POLA1: variants seen among roughly 807,000 people sequenced by gnomAD.
The protein encoded by POLA1 is DNA polymerase alpha catalytic subunit.
A neutral mutation model predicts 124.0 loss-of-function variants in POLA1; 15 were observed. The observed-to-expected ratio is 0.12, with a 90% CI of 0.08 to 0.19. POLA1 has a LOEUF of 0.19. Ranked by LOEUF, POLA1 falls within the 10% of genes least tolerant of loss-of-function variation. The pLI is 1.00. For missense variants in POLA1, 886 were observed against 1,103.4 expected (o/e 0.80, Z 2.79); for synonymous variants, 408 against 389.4 (o/e 1.05, Z -0.56).
At chrX:24,715,051 A>G in intron 5 of POLA1, 90 bp from the exon 6 acceptor site, 1 of 617,163 alleles carries the variant, frequency 1.6e-6, no homozygotes, top group Admixed American at 2.6e-5. Flanking sequence ...CTAACTGGCT[A>G]GGTCCTTCCT....
rs1322695079 is a variant in POLA1 at position 24,703,495 on chromosome X, TC to T, written c.265+150del. The T allele has an allele frequency of 6.9e-6, 3 of 436,234 alleles. No individual in the cohort carries two copies. The Admixed American group carries it at 1.3e-4, about 19-fold the overall frequency. 36.0% of individuals were successfully genotyped at this position (436,234 alleles called of 1,213,427 possible). A position where few individuals can be genotyped will look rare whatever the true frequency, so the allele number is the denominator to read the frequency against. On this transcript the variant is annotated intron_variant, in intron 3 of 36. Transcript: ENST00000379068. ...AGGATCTTACCTTTGGTTTGGATTT[TC>T]CTTTAATTATTTGAGGATGAGGAAG... is the stretch of plus-strand genomic sequence containing the variant.
intron 36 of POLA1, among the ~76,000 whole-genome samples, chrX:24,972,506 A>G (rs979050296): frequency 5.4e-5 from 6 of 111,878 alleles, no homozygotes; most frequent in African/African-American, 1.6e-4. Context: ...CTCACCCTGC[A>G]GTTCCCAAAC....
At chrX:24,792,922 A>G (rs2045530811) in intron 26 of POLA1, among the ~76,000 whole-genome samples, 1 of 111,524 alleles carries the variant, frequency 9.0e-6, no homozygotes, top group African/African-American at 3.3e-5. Context: ...AGCGTTATTA[A>G]TATGTCATGG....
intron 35 of POLA1, among the ~76,000 whole-genome samples, chrX:24,910,577 C>T (rs916803736): frequency 4.5e-5 from 5 of 111,270 alleles, no homozygotes; most frequent in African/African-American, 1.6e-4. Context: ...CATGCAAACA[C>T]TAATCAAAAG....
intron 30 of POLA1, among the ~76,000 whole-genome samples, chrX:24,817,607 C>CAAAA (rs1171262514): frequency 9.0e-5 from 3 of 33,444 alleles, no homozygotes; most frequent in Non-Finnish European, 1.8e-4. Context: ...GATTCCATCT[C>CAAAA]AAAAAAAAAA....
intron 26 of POLA1, among the ~76,000 whole-genome samples, chrX:24,753,529 A>G (rs1932436826): frequency 9.2e-6 from 1 of 109,042 alleles, no homozygotes; most frequent in Admixed American, 9.9e-5. Flanking sequence ...ATTTATTTTT[A>G]TTTTTTGTAG....
intron 36 of POLA1, among the ~76,000 whole-genome samples, chrX:24,934,569 T>A (rs1212602554): frequency 2.7e-5 from 3 of 112,508 alleles, no homozygotes; most frequent in African/African-American, 9.7e-5. Context: ...GATGCTTCTC[T>A]CCTCATATTC....
intron 36 of POLA1, among the ~76,000 whole-genome samples, chrX:24,979,329 A>G (rs759807422): frequency 8.9e-6 from 1 of 111,755 alleles, no homozygotes; most frequent in Admixed American, 9.5e-5. Flanking sequence ...AACAATTATA[A>G]CCTATTTAGA....
chrX:24,714,333 A>G (rs1234077966), intron 4 of POLA1, among the ~76,000 whole-genome samples: 1 of 111,269 alleles, frequency 9.0e-6, no homozygotes, highest in Admixed American at 9.5e-5. Context: ...AATTTTTTGT[A>G]TTTTAGTAGG....
At chrX:24,865,401 G>A (rs1249898357) in intron 34 of POLA1, among the ~76,000 whole-genome samples, 1 of 111,895 alleles carries the variant, frequency 8.9e-6, no homozygotes, top group Non-Finnish European at 1.9e-5. Context: ...CTGTTTACTT[G>A]AGACAAGTTT....
intron 34 of POLA1, among the ~76,000 whole-genome samples, chrX:24,866,010 T>C (rs2046790306): frequency 8.9e-6 from 1 of 111,873 alleles, no homozygotes; most frequent in Non-Finnish European, 1.9e-5. Flanking sequence ...TTTCTTCTTA[T>C]CAACTTCCAC....
At chrX:24,886,595 C>T (rs1010806227) in intron 34 of POLA1, among the ~76,000 whole-genome samples, 13 of 111,516 alleles carry the variant, frequency 1.2e-4, no homozygotes, top group African/African-American at 3.3e-4. Context: ...TGAGGTCAAA[C>T]GGCACAGCAG....
chrX:24,913,025 T>C (rs1294247122), intron 35 of POLA1, among the ~76,000 whole-genome samples: 2 of 112,105 alleles, frequency 1.8e-5, no homozygotes, highest in African/African-American at 6.5e-5. Context: ...CCTAAAGAAG[T>C]ACAAATTTAT....
At chrX:24,971,655 C>A (rs912700791) in intron 36 of POLA1, among the ~76,000 whole-genome samples, 2 of 112,260 alleles carry the variant, frequency 1.8e-5, no homozygotes, top group Non-Finnish European at 3.8e-5. Flanking sequence ...TCTGTTTTCA[C>A]CCCTGGAAAT....
chrX:24,747,170 T>C (rs1423901219), intron 24 of POLA1, among the ~76,000 whole-genome samples: 3 of 109,930 alleles, frequency 2.7e-5, no homozygotes, highest in African/African-American at 1.0e-4. Context: ...TTTTTTTTTT[T>C]CTTTTTTTTT....
At chrX:24,863,304 A>G (rs987610355) in intron 34 of POLA1, among the ~76,000 whole-genome samples, 8 of 105,467 alleles carry the variant, frequency 7.6e-5, no homozygotes, top group Admixed American at 6.1e-4. Context: ...TCGACATTCT[A>G]CAACACAAAA....
chrX:24,710,112 G>A (rs1161111470), intron 4 of POLA1, among the ~76,000 whole-genome samples: 1 of 71,421 alleles, frequency 1.4e-5, no homozygotes, highest in African/African-American at 5.1e-5. Flanking sequence ...GGCGCTCGCC[G>A]GCGCCTTTTT....
intron 35 of POLA1, among the ~76,000 whole-genome samples, chrX:24,929,102 C>T (rs1032243490): frequency 5.1e-4 from 57 of 111,775 alleles, no homozygotes; most frequent in African/African-American, 1.6e-3. Flanking sequence ...GAAGTGTGAG[C>T]TCTAATAACT....
chrX:24,909,610 T>C (rs1431341715), intron 35 of POLA1, among the ~76,000 whole-genome samples: 1,205 of 110,571 alleles, frequency 0.011, 19 homozygotes, highest in African/African-American at 0.038. Flanking sequence ...TGTTTTGGTA[T>C]CAGTACCATG....
Sources: gnomAD v4.1 joint callset for allele counts (sites outside exome capture counted in the v4.1 genomes callset) on GRCh38, gnomAD v4.1.1 for gene constraint, MANE v1.5 for transcripts, NCBI Gene and HGNC (gene_info 2026-07-23, HGNC 2026-07-21) for gene names.